PDE4B: variants seen among roughly 807,000 people sequenced by gnomAD.
PDE4B encodes the protein phosphodiesterase 4B.
In PDE4B, 20 loss-of-function variants were observed where a neutral mutation model predicts 82.2. The ratio of observed to expected loss-of-function variants is 0.24; its 90% CI spans 0.17 to 0.35. The LOEUF (loss-of-function observed/expected upper bound fraction) is 0.35, where lower values mean the gene tolerates loss of function less well. Ranked by LOEUF, PDE4B falls within the 10% of genes least tolerant of loss-of-function variation. The probability of loss-of-function intolerance (pLI) is 1.00; values close to 1 mark genes in which losing one functional copy is unlikely to be tolerated. For synonymous variants in PDE4B, 320 were observed against 318.9 expected, an observed-to-expected ratio of 1.00 and a Z score of -0.04; for missense variants, 655 against 907.2, an observed-to-expected ratio of 0.72 and a Z score of 3.57.
intron 7 of PDE4B, among the ~76,000 whole-genome samples, chr1:66,285,222 G>A (rs1475989715): frequency 6.6e-6 from 1 of 150,994 alleles, no homozygotes; most frequent in Non-Finnish European, 1.5e-5. Context: ...TTACCCATAT[G>A]ACCCACCAAT....
Position 66,257,639 on chromosome 1 carries a change from T to C in PDE4B, c.477-8T>C. 1 of 1,613,010 alleles carries C rather than the reference T, an allele frequency of 6.2e-7. No individual in the cohort carries two copies. The highest frequency in any genetic ancestry group is 1.7e-5 in the Admixed American group (1 of 59,998). ...TTTCTAAAGGTTCTTTTTTTCTCTT[T>C]TCACCAGACACGGCGATGACTTGAT... On this transcript the variant is annotated splice_polypyrimidine_tract_variant and splice_region_variant and intron_variant, in intron 4 of 16. Transcript: ENST00000341517.
intron 3 of PDE4B, among the ~76,000 whole-genome samples, chr1:66,223,717 A>G (rs1263367760): frequency 6.6e-6 from 1 of 151,236 alleles, no homozygotes; most frequent in Admixed American, 6.6e-5. Context: ...ACTGCAGTGC[A>G]TAGAGAAAGA....
chr1:66,086,223 C>G (rs1387759315), intron 3 of PDE4B, among the ~76,000 whole-genome samples: 1 of 152,134 alleles, frequency 6.6e-6, no homozygotes, highest in African/African-American at 2.4e-5. Flanking sequence ...TTGCTTTGGC[C>G]TCATATACCA....
intron 1 of PDE4B, among the ~76,000 whole-genome samples, chr1:65,858,934 G>A (rs1027675016): frequency 6.6e-5 from 10 of 152,104 alleles, no homozygotes; most frequent in Non-Finnish European, 1.5e-4. Context: ...GGAAGAGGGA[G>A]CCCTTTACTT....
At chr1:65,975,689 T>C (rs1650368392) in intron 3 of PDE4B, among the ~76,000 whole-genome samples, 1 of 152,148 alleles carries the variant, frequency 6.6e-6, no homozygotes, top group South Asian at 2.1e-4. Flanking sequence ...ACAAGGCACC[T>C]TGCATCCCAG....
chr1:66,268,029 G>A (rs1655180594), intron 7 of PDE4B, among the ~76,000 whole-genome samples: 1 of 152,120 alleles, frequency 6.6e-6, no homozygotes, highest in African/African-American at 2.4e-5. Flanking sequence ...AGTAAGATCA[G>A]GTTTTTATTT....
intron 3 of PDE4B, among the ~76,000 whole-genome samples, chr1:66,130,836 G>A (rs890618195): frequency 6.6e-6 from 1 of 152,144 alleles, no homozygotes; most frequent in Non-Finnish European, 1.5e-5. Flanking sequence ...CTTCTTATGG[G>A]TGTGTTGTTC....
intron 3 of PDE4B, among the ~76,000 whole-genome samples, chr1:66,015,942 T>C (rs1381320185): frequency 6.6e-6 from 1 of 152,174 alleles, no homozygotes; most frequent in East Asian, 1.9e-4. Context: ...TTTTCTATAT[T>C]CTAGGCACCA....
At chr1:65,888,384 G>T (rs1646815704) in intron 1 of PDE4B, among the ~76,000 whole-genome samples, 1 of 152,118 alleles carries the variant, frequency 6.6e-6, no homozygotes, top group African/African-American at 2.4e-5. Context: ...GTAATGTGGT[G>T]CCTCCAGCTT....
chr1:65,806,858 G>C (rs4542192), intron 1 of PDE4B, among the ~76,000 whole-genome samples: 16,586 of 152,212 alleles, frequency 0.11, 1,119 homozygotes, highest in South Asian at 0.16. Flanking sequence ...GTCAATTGTA[G>C]GGCATATCCT....
At chr1:65,941,000 CT>C (rs5774777) in intron 3 of PDE4B, among the ~76,000 whole-genome samples, 1 of 151,604 alleles carries the variant, frequency 6.6e-6, no homozygotes, top group African/African-American at 2.4e-5. Context: ...TGATATTTTG[CT>C]TTTTTTTGCT....
intron 7 of PDE4B, among the ~76,000 whole-genome samples, chr1:66,282,925 C>G (rs1361386789): frequency 6.6e-6 from 1 of 152,150 alleles, no homozygotes; most frequent in African/African-American, 2.4e-5. Context: ...ACCTAGGCTT[C>G]TTCCACCTCT....
At position 65,914,052 on chromosome 1, in the gene PDE4B, T is replaced by C. The variant is rs193173081; in HGVS notation, c.42+696T>C. Among the ~76,000 whole-genome samples, 8 of 152,304 alleles carry C rather than the reference T, an allele frequency of 5.3e-5. No individual in the cohort carries two copies. The East Asian group carries it at 1.5e-3, about 29-fold the overall frequency. On this transcript the variant is annotated intron_variant, in intron 2 of 16. Transcript: ENST00000341517. Reference sequence around the variant, plus strand: ...AATTGACCAATCCTTCATTAGTGTGTCTTTAATTGTCTCATCTTTACCCAA... The same window carrying C: ...AATTGACCAATCCTTCATTAGTGTGCCTTTAATTGTCTCATCTTTACCCAA...
chr1:65,838,543 ATATATGTATATATATG>A (rs1048433673), intron 1 of PDE4B, among the ~76,000 whole-genome samples: 2 of 139,888 alleles, frequency 1.4e-5, no homozygotes, highest in East Asian at 2.0e-4. Context: ...ATGTATGTGT[ATATATGTATATATATG>A]TATATGTATA....
intron 7 of PDE4B, among the ~76,000 whole-genome samples, chr1:66,279,790 G>A (rs917737730): frequency 7.9e-5 from 12 of 152,180 alleles, no homozygotes; most frequent in African/African-American, 2.2e-4. Context: ...TAATGCTGCA[G>A]TCTTCAGGCA....
chr1:66,084,850 A>G (rs1262281314), intron 3 of PDE4B, among the ~76,000 whole-genome samples: 3 of 152,178 alleles, frequency 2.0e-5, no homozygotes, highest in African/African-American at 4.8e-5. Context: ...AGTCCCAAGC[A>G]TTGGGCTGAA....
At chr1:65,885,948 C>T (rs1479189568) in intron 1 of PDE4B, among the ~76,000 whole-genome samples, 2 of 150,610 alleles carry the variant, frequency 1.3e-5, no homozygotes, top group Non-Finnish European at 3.0e-5. Flanking sequence ...GCTAATAAGA[C>T]AGCCACTAGC....
chr1:66,035,561 A>G (rs1045987469), intron 3 of PDE4B, among the ~76,000 whole-genome samples: 5 of 152,162 alleles, frequency 3.3e-5, no homozygotes, highest in Non-Finnish European at 5.9e-5. Flanking sequence ...GTTTCCACAT[A>G]TAAGTGAGAT....
At chr1:66,138,289 T>C (rs188640201) in intron 3 of PDE4B, among the ~76,000 whole-genome samples, 1 of 152,204 alleles carries the variant, frequency 6.6e-6, no homozygotes, top group East Asian at 1.9e-4. Context: ...GAGGCCAAGG[T>C]GGTTGGATCA....
Sources: gnomAD v4.1 joint callset for allele counts (sites outside exome capture counted in the v4.1 genomes callset) on GRCh38, gnomAD v4.1.1 for gene constraint, MANE v1.5 for transcripts, NCBI Gene and HGNC (gene_info 2026-07-23, HGNC 2026-07-21) for gene names.